The following MDGA2 variants were observed in gnomAD, a reference collection of about 807,000 sequenced individuals.
MDGA2 encodes MAM domain containing glycosylphosphatidylinositol anchor 2, also known as MAM domain-containing glycosylphosphatidylinositol anchor protein 2.
MDGA2 carries 40 observed loss-of-function variants against 117.8 expected under a neutral mutation model. The observed-to-expected ratio is 0.34, with a 90% CI of 0.26 to 0.44. The LOEUF is 0.44. MDGA2 is among the 20% of genes least tolerant of loss of function. The pLI is 1.00. For synonymous variants in MDGA2, 452 were observed against 439.0 expected (o/e 1.03, Z -0.37); for missense variants, 1,123 against 1,250.6 (o/e 0.90, Z 1.54).
At chr14:47,335,702 A>G (rs560679679) in intron 1 of MDGA2, among the ~76,000 whole-genome samples, 125 of 139,346 alleles carry the variant, frequency 9.0e-4, no homozygotes, top group Non-Finnish European at 1.6e-3. Context: ...GATTATATGT[A>G]TATGTTACAC....
At chr14:47,579,383 A>G (rs1330433779) in intron 1 of MDGA2, among the ~76,000 whole-genome samples, 1 of 152,066 alleles carries the variant, frequency 6.6e-6, no homozygotes, top group Non-Finnish European at 1.5e-5. Context: ...TTTGCTTAGA[A>G]ATTTCAGCAA....
chr14:47,070,009 T>A, intron 6 of MDGA2, among the ~76,000 whole-genome samples: 1 of 152,164 alleles, frequency 6.6e-6, no homozygotes, highest in East Asian at 1.9e-4. Context: ...TTATTTCTTT[T>A]TCTTTTTTTG....
chr14:47,397,811 T>C (rs1404770373), intron 1 of MDGA2, among the ~76,000 whole-genome samples: 2 of 152,122 alleles, frequency 1.3e-5, no homozygotes, highest in East Asian at 3.9e-4. Flanking sequence ...GAGGTAACCT[T>C]AGGGGCTAGT....
intron 1 of MDGA2, among the ~76,000 whole-genome samples, chr14:47,517,661 T>G (rs1467574663): frequency 2.0e-5 from 3 of 152,162 alleles, no homozygotes. Flanking sequence ...CTTGGGCAGC[T>G]CATAGACACC....
At chr14:47,640,797 C>T (rs975054121) in intron 1 of MDGA2, among the ~76,000 whole-genome samples, 1 of 152,098 alleles carries the variant, frequency 6.6e-6, no homozygotes, top group Non-Finnish European at 1.5e-5. Context: ...AACATAATTT[C>T]TTTTAAGAAG....
At chr14:47,545,487 T>C (rs545686296) in intron 1 of MDGA2, among the ~76,000 whole-genome samples, 1 of 152,138 alleles carries the variant, frequency 6.6e-6, no homozygotes, top group African/African-American at 2.4e-5. Context: ...AAAGAACATG[T>C]TCATGATTTG....
chr14:47,585,732 TA>T (rs1308182826), intron 1 of MDGA2, among the ~76,000 whole-genome samples: 2 of 151,884 alleles, frequency 1.3e-5, no homozygotes, highest in Non-Finnish European at 1.5e-5. Flanking sequence ...TCCCTCTCTC[TA>T]CCTATTCCCC....
intron 5 of MDGA2, among the ~76,000 whole-genome samples, chr14:47,118,331 T>G (rs17118078): frequency 0.061 from 9,278 of 152,244 alleles, 807 homozygotes; most frequent in East Asian, 0.48. Context: ...ATAGAAGAAC[T>G]AAATAGGTTA....
At chr14:47,108,317 T>G (rs1445493261) in intron 5 of MDGA2, among the ~76,000 whole-genome samples, 9 of 152,164 alleles carry the variant, frequency 5.9e-5, no homozygotes, top group Non-Finnish European at 1.3e-4. Context: ...GGCAGGAATA[T>G]CAGGCCTCTG....
chr14:47,072,112 G>GGGA (rs1555349484), intron 6 of MDGA2, among the ~76,000 whole-genome samples: 1 of 107,048 alleles, frequency 9.3e-6, no homozygotes, highest in Non-Finnish European at 2.0e-5. Context: ...GGGGGGGGGG[G>GGGA]GGTTTGCAGG....
chr14:46,895,625 C>A (rs1357706028), intron 10 of MDGA2, among the ~76,000 whole-genome samples: 1 of 151,828 alleles, frequency 6.6e-6, no homozygotes, highest in Non-Finnish European at 1.5e-5. Flanking sequence ...ACTCAGGAGG[C>A]TGAGGCAGGA....
chr14:46,873,936 AT>A, intron 13 of MDGA2, 108 bp downstream of exon 13: 2 of 1,007,270 alleles, frequency 2.0e-6, no homozygotes, highest in Non-Finnish European at 2.8e-6. Context: ...AAAATTTAAT[AT>A]TTTATTCCAT....
chr14:47,489,087 T>C (rs570933649), intron 1 of MDGA2, among the ~76,000 whole-genome samples: 1 of 152,018 alleles, frequency 6.6e-6, no homozygotes, highest in South Asian at 2.1e-4. Context: ...TGTAGGTTTT[T>C]CTAAAAAAAA....
At chr14:47,535,153 A>C (rs1207307432) in intron 1 of MDGA2, among the ~76,000 whole-genome samples, 1 of 152,222 alleles carries the variant, frequency 6.6e-6, no homozygotes, top group Non-Finnish European at 1.5e-5. Flanking sequence ...AAATGAAAAA[A>C]AAAAATTAAA....
chr14:47,447,527 C>T (rs745741454), intron 1 of MDGA2, among the ~76,000 whole-genome samples: 1 of 152,122 alleles, frequency 6.6e-6, no homozygotes, highest in African/African-American at 2.4e-5. Flanking sequence ...TCCACAGTGA[C>T]AGGAGACACA....
intron 10 of MDGA2, among the ~76,000 whole-genome samples, chr14:46,886,764 A>G (rs1453884794): frequency 6.6e-6 from 1 of 152,088 alleles, no homozygotes; most frequent in Non-Finnish European, 1.5e-5. Flanking sequence ...GAATTCTATG[A>G]CAGTGCTCTC....
In MDGA2 at chr14:47,204,141, G is replaced by A. The variant is rs573594307; in HGVS notation, c.595+13880C>T. Among the ~76,000 whole-genome samples, 3 of 152,000 alleles carry A rather than the reference G, an allele frequency of 2.0e-5. No individual in the cohort carries two copies. The South Asian group carries it at 6.2e-4, about 31-fold the overall frequency. On this transcript the variant is annotated intron_variant, in intron 3 of 16. Coordinates refer to ENST00000399232, the MANE Select transcript of MDGA2 (RefSeq NM_001113498.3). ...ATTTTTTATGCATACTAAGACTGGA[G>A]TCATTCCACTTTGTTTTATCCAGCA...
chr14:47,504,958 C>CA (rs1894480677), intron 1 of MDGA2, among the ~76,000 whole-genome samples: 1 of 151,992 alleles, frequency 6.6e-6, no homozygotes, highest in South Asian at 2.1e-4. Context: ...TGTCCACCAA[C>CA]AAATTAATGG....
intron 8 of MDGA2, among the ~76,000 whole-genome samples, chr14:47,004,293 T>C (rs1004834982): frequency 6.6e-6 from 1 of 151,894 alleles, no homozygotes; most frequent in African/African-American, 2.4e-5. Context: ...CTTTTTGGTG[T>C]ATGGAAATCC....
Sources: gnomAD v4.1 joint callset for allele counts (sites outside exome capture counted in the v4.1 genomes callset) on GRCh38, gnomAD v4.1.1 for gene constraint, MANE v1.5 for transcripts, NCBI Gene and HGNC (gene_info 2026-07-23, HGNC 2026-07-21) for gene names.